The following KIF6 variants were observed in gnomAD, a reference collection of about 807,000 sequenced individuals.
KIF6 encodes the protein kinesin-like protein KIF6.
In KIF6, 106 loss-of-function variants were observed where a neutral mutation model predicts 112.7. The ratio of observed to expected loss-of-function variants is 0.94; its 90% confidence interval spans 0.80 to 1.11. KIF6 has a LOEUF of 1.11. Ranked by LOEUF, KIF6 falls within the 50% of genes least tolerant of loss-of-function variation. KIF6 has a pLI of 0.00. For synonymous variants in KIF6, 339 were observed against 339.9 expected (o/e 1.00, Z 0.03); for missense variants, 929 against 964.0 (o/e 0.96, Z 0.48).
chr6:39,576,458 CA>C (rs1561828019), intron 10 of KIF6, among the ~76,000 whole-genome samples: 1 of 152,160 alleles, frequency 6.6e-6, no homozygotes, highest in African/African-American at 2.4e-5. Context: ...TCCCCCTTCC[CA>C]TCTTTGACTC....
At position 39,681,977 on chromosome 6, in the gene KIF6, C is replaced by G. The variant is rs144105842; in HGVS notation, c.251+32715G>C. Among the ~76,000 whole-genome samples, 7 of 152,004 alleles carry G rather than the reference C, an allele frequency of 4.6e-5. No individual in the cohort carries two copies. The East Asian group carries it at 7.8e-4, about 17-fold the overall frequency. On this transcript the variant is annotated intron_variant, in intron 3 of 22. Transcript: ENST00000287152. ...TCTTTCAGAGAAAAAAAATGCTCATCGGGGGAAATACTGAATTCTGTCAAC... is the reference window on the plus strand; with the variant it reads ...TCTTTCAGAGAAAAAAAATGCTCATGGGGGGAAATACTGAATTCTGTCAAC...
chr6:39,610,212 T>C (rs1055377825), intron 6 of KIF6, among the ~76,000 whole-genome samples: 1 of 152,218 alleles, frequency 6.6e-6, no homozygotes, highest in Non-Finnish European at 1.5e-5. Context: ...TTTATTCTCT[T>C]TGGCCCAGCA....
chr6:39,359,414 A>AT (rs1764957355), intron 18 of KIF6, among the ~76,000 whole-genome samples: 4 of 152,190 alleles, frequency 2.6e-5, no homozygotes, highest in Non-Finnish European at 4.4e-5. Flanking sequence ...TGAGTAAAAA[A>AT]CTAGAAACAA....
At position 39,343,623 on chromosome 6, in the gene KIF6, C is replaced by A; in HGVS notation, c.2428+86G>T. The A allele has an allele frequency of 8.3e-7, 1 of 1,205,950 alleles. No individual in the cohort carries two copies. Among genetic ancestry groups the A allele is most frequent in the South Asian group, 1.5e-5 (1 of 67,450 alleles). 74.7% of individuals were successfully genotyped at this position (1,205,950 alleles called of 1,614,324 possible). ...GCTTCAGGAATATGCAGGAAACTCC[C>A]TACTCCCCTCCCACCTCACTGTGTG... On this transcript the variant is annotated intron_variant, in intron 22 of 22. Coordinates refer to ENST00000287152, the MANE Select transcript of KIF6 (RefSeq NM_145027.6). This position sits in a 1 kb window ranked among gnomAD's most constrained non-coding sequence, Gnocchi z 4.1.
intron 12 of KIF6, among the ~76,000 whole-genome samples, chr6:39,543,888 C>T (rs981671038): frequency 1.2e-4 from 19 of 152,160 alleles, no homozygotes; most frequent in Admixed American, 1.2e-3. Flanking sequence ...AATACACTGC[C>T]TCTTGGAGCC....
chr6:39,346,486 A>G lies in KIF6; in HGVS notation c.2221T>C (p.Phe741Leu). The stretch of plus-strand genomic sequence containing the variant: ...GAAGGGGGTCCTCACCAGACATCGA[A>G]TCTGCCAGTGCCTTGATCTTGGACT... ...WEVQDQGTGR[F>L]DVCDVNARKI... is the part of the protein sequence containing the mutation. The change falls in exon 20 of 23, where the codon TTC (phenylalanine) becomes CTC (leucine). Residue 741 changes from phenylalanine to leucine, a missense_variant. Around this residue, in one of 2 missense-constraint regions of KIF6, gnomAD observed 241 missense variants for 301.4 expected, o/e 0.80. Coordinates refer to ENST00000287152, the MANE Select transcript of KIF6 (RefSeq NM_145027.6). 9.8e-6 allele frequency: 7 copies of G among 715,842 alleles called. No individual in the cohort carries two copies. The highest frequency in any genetic ancestry group is 1.8e-5 in the Non-Finnish European group (7 of 384,980). The allele number at this position is 715,842 out of a possible 1,614,324, so 44.3% of individuals were successfully genotyped here.
chr6:39,366,330 C>T (rs762028623), intron 16 of KIF6, among the ~76,000 whole-genome samples: 6 of 152,174 alleles, frequency 3.9e-5, no homozygotes, highest in Admixed American at 6.5e-5. Context: ...CAAATAGCAG[C>T]GCCAGGCTTT....
At chr6:39,599,956 C>T (rs1176082738) in intron 6 of KIF6, among the ~76,000 whole-genome samples, 2 of 152,160 alleles carry the variant, frequency 1.3e-5, no homozygotes, top group Non-Finnish European at 2.9e-5. Flanking sequence ...TCCGTGCCTA[C>T]AGTTTTGTAA....
At chr6:39,440,577 G>A (rs1419294750) in intron 13 of KIF6, among the ~76,000 whole-genome samples, 1 of 152,040 alleles carries the variant, frequency 6.6e-6, no homozygotes, top group Non-Finnish European at 1.5e-5. Flanking sequence ...TTGGAATCCA[G>A]CACCCCCTCA....
At chr6:39,600,333 A>G (rs1782503650) in intron 6 of KIF6, among the ~76,000 whole-genome samples, 1 of 152,192 alleles carries the variant, frequency 6.6e-6, no homozygotes, top group African/African-American at 2.4e-5. Context: ...CACGTTTCCT[A>G]TTAGCCTATG....
In KIF6 at chr6:39,483,734, T is replaced by C. The variant is rs1476820051; in HGVS notation, c.1646-52573A>G. Among the ~76,000 whole-genome samples the C allele has an allele frequency of 4.6e-5, 7 of 152,182 alleles. No individual in the cohort carries two copies. In the East Asian group the frequency reaches 1.3e-3, roughly 29 times the overall value. On this transcript the variant is annotated intron_variant, in intron 13 of 22. Transcript: ENST00000287152. ...AAAGGAGAACCTCAAGGACTGTTAC[T>C]ATAATATCCAGGATATCAGCCCTAA... is the stretch of plus-strand genomic sequence containing the variant.
At chr6:39,599,070 A>C (rs1268318496) in intron 6 of KIF6, among the ~76,000 whole-genome samples, 2 of 152,168 alleles carry the variant, frequency 1.3e-5, no homozygotes, top group Non-Finnish European at 2.9e-5. Context: ...ATTTAGTTAA[A>C]AATTATTAGA....
chr6:39,574,715 A>G (rs1231934319), intron 10 of KIF6, among the ~76,000 whole-genome samples: 2 of 152,056 alleles, frequency 1.3e-5, no homozygotes, highest in Non-Finnish European at 2.9e-5. Context: ...CTGAGATATT[A>G]TTTCTTAACT....
chr6:39,704,444 C>A (rs1378259885), intron 3 of KIF6, among the ~76,000 whole-genome samples: 1 of 152,116 alleles, frequency 6.6e-6, no homozygotes, highest in Non-Finnish European at 1.5e-5. Flanking sequence ...CATGGTAAAA[C>A]CCTGTCTCTA....
chr6:39,443,461 T>C (rs543072222), intron 13 of KIF6, among the ~76,000 whole-genome samples: 2 of 152,356 alleles, frequency 1.3e-5, no homozygotes, highest in Non-Finnish European at 2.9e-5. Flanking sequence ...TTATTTTATT[T>C]AAGACAGAGT....
intron 15 of KIF6, among the ~76,000 whole-genome samples, chr6:39,394,378 C>G (rs1768101982): frequency 1.3e-5 from 2 of 152,206 alleles, no homozygotes; most frequent in Admixed American, 6.5e-5. Context: ...GTGATGTCAT[C>G]TGCCATGTGT....
intron 10 of KIF6, among the ~76,000 whole-genome samples, chr6:39,574,542 G>C (rs1296786522): frequency 2.0e-5 from 3 of 152,102 alleles, no homozygotes; most frequent in Non-Finnish European, 4.4e-5. Context: ...CTCTAAATCA[G>C]ATTATTGATT....
At chr6:39,351,845 A>G (rs1377302823) in intron 19 of KIF6, among the ~76,000 whole-genome samples, 2 of 152,228 alleles carry the variant, frequency 1.3e-5, no homozygotes, top group African/African-American at 2.4e-5. Context: ...GCACAGAGCC[A>G]GAGCAATGAT....
At chr6:39,584,862 A>T (rs1781532398) in intron 9 of KIF6, 36 bp downstream of exon 9, 1 of 1,287,478 alleles carries the variant, frequency 7.8e-7, no homozygotes, top group South Asian at 1.2e-5. Flanking sequence ...GATATACTTT[A>T]ATATATTTTT....
Sources: allele counts gnomAD v4.1 joint callset (sites outside exome capture counted in the v4.1 genomes callset), GRCh38; gene constraint gnomAD v4.1.1; regional missense constraint gnomAD v4.1.1; non-coding constraint Gnocchi (gnomAD v3.1); transcripts MANE v1.5; gene names NCBI Gene and HGNC (gene_info 2026-07-23, HGNC 2026-07-21).